PCBP3: variants seen among roughly 807,000 people sequenced by gnomAD.
PCBP3 encodes poly(rC) binding protein 3, also known as poly(rC)-binding protein 3.
In PCBP3, 25 loss-of-function variants were observed where a neutral mutation model predicts 52.7. The ratio of observed to expected loss-of-function variants is 0.47; its 90% CI spans 0.35 to 0.66. The LOEUF is 0.66. Ranked by LOEUF, PCBP3 falls within the 30% of genes least tolerant of loss-of-function variation. The probability of loss-of-function intolerance (pLI) is 0.01; values close to 1 mark genes in which losing one functional copy is unlikely to be tolerated. For missense variants in PCBP3, 391 were observed against 490.3 expected (o/e 0.80, Z 1.91); for synonymous variants, 162 against 183.0 (o/e 0.89, Z 0.93).
intron 2 of PCBP3, among the ~76,000 whole-genome samples, chr21:45,694,823 A>G (rs1328563426): frequency 6.6e-6 from 1 of 152,246 alleles, no homozygotes; most frequent in Non-Finnish European, 1.5e-5. Context: ...TAAGTGGAGG[A>G]ATAAATCATA....
At chr21:45,801,835 G>A (rs1025874962) in intron 4 of PCBP3, among the ~76,000 whole-genome samples, 1 of 152,198 alleles carries the variant, frequency 6.6e-6, no homozygotes, top group Non-Finnish European at 1.5e-5. Flanking sequence ...ATCCAGTGTG[G>A]AAATAGAAAA....
At position 45,904,934 on chromosome 21, in the gene PCBP3, A is replaced by G. The variant is rs949422968; in HGVS notation, c.339+3821A>G. Among the ~76,000 whole-genome samples, 7 of 152,176 alleles carry G rather than the reference A, an allele frequency of 4.6e-5. No homozygotes were observed. Among genetic ancestry groups the G allele is most frequent in the African/African-American group, 1.7e-4 (7 of 41,410 alleles). On this transcript the variant is annotated intron_variant, in intron 9 of 17. Transcript: ENST00000681687. This position sits in a 1 kb window ranked among gnomAD's most constrained non-coding sequence, Gnocchi z 4.8. ...CCAGTCTTTGTAAAGCTTTCCCACC[A>G]GTGTTGACTGGAGATATTCATCAAT...
At chr21:45,889,707 A>G (rs2095606800) in intron 5 of PCBP3, among the ~76,000 whole-genome samples, 1 of 152,182 alleles carries the variant, frequency 6.6e-6, no homozygotes, top group Non-Finnish European at 1.5e-5. Flanking sequence ...CTCTTGTGGC[A>G]GTACATTGCG....
intron 4 of PCBP3, among the ~76,000 whole-genome samples, chr21:45,758,467 C>T (rs960517097): frequency 1.3e-5 from 2 of 152,108 alleles, no homozygotes; most frequent in Non-Finnish European, 2.9e-5. Context: ...TTTATTTAGC[C>T]CCTCTGTGAT....
At chr21:45,862,022 G>T (rs1254988750) in intron 5 of PCBP3, among the ~76,000 whole-genome samples, 1 of 152,144 alleles carries the variant, frequency 6.6e-6, no homozygotes. Context: ...GGCCACGAAC[G>T]CTGTGTCCCC....
chr21:45,771,635 A>G (rs979254381), intron 4 of PCBP3, among the ~76,000 whole-genome samples: 1 of 152,204 alleles, frequency 6.6e-6, no homozygotes, highest in Non-Finnish European at 1.5e-5. Flanking sequence ...GTATTTATGA[A>G]AAATCTAGAG....
chr21:45,793,612 C>T (rs964544416), intron 4 of PCBP3, among the ~76,000 whole-genome samples: 2 of 152,132 alleles, frequency 1.3e-5, no homozygotes, highest in Non-Finnish European at 2.9e-5. Flanking sequence ...AACATGGCTG[C>T]CAGGACCTGT....
In PCBP3 at chr21:45,737,369, C is replaced by T. The variant is rs911774120; in HGVS notation, c.-162+1940C>T. ...CCTTGGGGCCAACTTTGTAATCTTA[C>T]AAATCTGGATCTAATTTTCACCAAA... On this transcript the variant is annotated intron_variant, in intron 3 of 17. Coordinates refer to ENST00000681687, the MANE Select transcript of PCBP3 (RefSeq NM_001384156.1). The surrounding 1 kb of genome is among the most constrained non-coding windows in gnomAD (Gnocchi z 4.9). Among the ~76,000 whole-genome samples the T allele has an allele frequency of 6.6e-6, 1 of 152,194 alleles. No individual in the cohort carries two copies. Among genetic ancestry groups the T allele is most frequent in the South Asian group, 2.1e-4 (1 of 4,826 alleles).
chr21:45,908,107 TAA>T (rs1334280314), intron 9 of PCBP3, among the ~76,000 whole-genome samples: 1 of 152,166 alleles, frequency 6.6e-6, no homozygotes, highest in Non-Finnish European at 1.5e-5. Context: ...ACAATTTCGT[TAA>T]AGTCAAATGT....
intron 13 of PCBP3, among the ~76,000 whole-genome samples, chr21:45,923,766 T>A (rs1339100454): frequency 2.0e-5 from 3 of 151,850 alleles, no homozygotes; most frequent in Admixed American, 6.6e-5. Context: ...ACAAATAAAC[T>A]CGACCTGGAA....
At chr21:45,721,542 T>C (rs993533305) in intron 2 of PCBP3, among the ~76,000 whole-genome samples, 4 of 152,188 alleles carry the variant, frequency 2.6e-5, no homozygotes, top group Non-Finnish European at 4.4e-5. Flanking sequence ...CCACAGCTCC[T>C]GACCCCAATT....
intron 2 of PCBP3, among the ~76,000 whole-genome samples, chr21:45,728,958 G>A (rs1603340636): frequency 6.6e-6 from 1 of 152,246 alleles, no homozygotes; most frequent in Admixed American, 6.5e-5. Context: ...AAATTAAAGT[G>A]TACAATTTGG....
intron 3 of PCBP3, among the ~76,000 whole-genome samples, chr21:45,742,943 TA>T (rs1433384053): frequency 1.3e-5 from 2 of 152,220 alleles, no homozygotes; most frequent in Non-Finnish European, 2.9e-5. Flanking sequence ...TTTTCAAGTT[TA>T]AAAAGTTAAT....
rs745842364 is a variant in PCBP3 at position 45,928,289 on chromosome 21, C to T, written c.718-1628C>T. On this transcript the variant is annotated intron_variant, in intron 13 of 17. Coordinates refer to ENST00000681687, the MANE Select transcript of PCBP3 (RefSeq NM_001384156.1). The surrounding 1 kb of genome is among the most constrained non-coding windows in gnomAD (Gnocchi z 4.1). ...ATCCCCTCAGATAACCCGGCACACC[C>T]GTTCACGTTACATCATGGGGCAGCG... 6.6e-6 allele frequency among the ~76,000 whole-genome samples: 1 copy of T among 152,214 alleles called. No individual in the cohort carries two copies. Among genetic ancestry groups the T allele is most frequent in the Non-Finnish European group, 1.5e-5 (1 of 68,040 alleles).
chr21:45,785,500 T>G (rs1235166524), intron 4 of PCBP3, among the ~76,000 whole-genome samples: 2 of 52,166 alleles, frequency 3.8e-5, no homozygotes, highest in Non-Finnish European at 6.8e-5. Context: ...AGCCGCCCCG[T>G]CCGGGAGGGG....
intron 13 of PCBP3, among the ~76,000 whole-genome samples, chr21:45,926,002 G>T (rs1450237953): frequency 3.3e-5 from 5 of 152,188 alleles, no homozygotes; most frequent in Non-Finnish European, 7.3e-5. Context: ...AATTCATGGA[G>T]ACATTTACAA....
intron 4 of PCBP3, among the ~76,000 whole-genome samples, chr21:45,824,366 A>G (rs1432348975): frequency 5.3e-5 from 8 of 152,236 alleles, no homozygotes; most frequent in Non-Finnish European, 1.2e-4. Flanking sequence ...TTGTCTAACT[A>G]AGAGACTCAG....
At chr21:45,760,970 C>G (rs938113653) in intron 4 of PCBP3, 1 of 152,028 alleles carries the variant, frequency 6.6e-6, no homozygotes, top group Non-Finnish European at 1.5e-5. Flanking sequence ...GCCTGTAATC[C>G]CAGTTACTCG....
intron 4 of PCBP3, among the ~76,000 whole-genome samples, chr21:45,843,325 C>T (rs1266363644): frequency 1.3e-5 from 2 of 152,306 alleles, no homozygotes; most frequent in South Asian, 2.1e-4. Flanking sequence ...TGATTAATCT[C>T]ATCAGAGGGT....
Sources: gnomAD v4.1 joint callset for allele counts (sites outside exome capture counted in the v4.1 genomes callset) on GRCh38, gnomAD v4.1.1 for gene constraint, Gnocchi (gnomAD v3.1) non-coding constraint, MANE v1.5 for transcripts, NCBI Gene and HGNC (gene_info 2026-07-23, HGNC 2026-07-21) for gene names.